Variants in TMEM87B observed in about 807,000 individuals in gnomAD.
The protein encoded by TMEM87B is transmembrane protein 87B.
In TMEM87B, 83 loss-of-function variants were observed where a neutral mutation model predicts 80.3. The ratio of observed to expected loss-of-function variants is 1.03; its 90% CI spans 0.87 to 1.24. The LOEUF (loss-of-function observed/expected upper bound fraction) is 1.24, where lower values mean the gene tolerates loss of function less well. TMEM87B is among the 50% of genes most tolerant of loss of function. The pLI, the probability that TMEM87B is intolerant of heterozygous loss-of-function variation, is 0.00. For synonymous variants in TMEM87B, 219 were observed against 230.5 expected, an observed-to-expected ratio of 0.95 and a Z score of 0.45; for missense variants, 625 against 674.4, an observed-to-expected ratio of 0.93 and a Z score of 0.81.
intron 9 of TMEM87B, among the ~76,000 whole-genome samples, chr2:112,087,841 C>T (rs887686389): frequency 3.3e-5 from 5 of 152,170 alleles, no homozygotes; most frequent in African/African-American, 1.2e-4. Flanking sequence ...TTGTCAAGGC[C>T]ACCATGACCT....
chr2:112,098,628 T>C lies in TMEM87B; in HGVS notation c.1306T>C (p.Trp436Arg), dbSNP rs1185030811. Reference protein sequence around the residue: ...WMERWVDDAFWSFLFSLILIV... With the variant: ...WMERWVDDAFRSFLFSLILIV... Reference sequence around the variant, plus strand: ...GGAACGCTGGGTTGACGATGCATTTTGGAGCTTCCTTTTTTCGCTTATCCT... The same window carrying C: ...GGAACGCTGGGTTGACGATGCATTTCGGAGCTTCCTTTTTTCGCTTATCCT... Residue 436 changes from tryptophan to arginine, a missense_variant, in exon 14 of 19, where the codon TGG (tryptophan) becomes CGG (arginine). By Grantham distance (101) the Trp-to-Arg change is moderately radical (BLOSUM62 -3). Transcript: ENST00000283206. The C allele has an allele frequency of 6.2e-7, 1 of 1,614,188 alleles. No individual in the cohort carries two copies. The highest frequency in any genetic ancestry group is 1.1e-5 in the South Asian group (1 of 91,090).
At chr2:112,083,711 A>G (rs1679065931) in intron 8 of TMEM87B, among the ~76,000 whole-genome samples, 1 of 152,186 alleles carries the variant, frequency 6.6e-6, no homozygotes, top group South Asian at 2.1e-4. Context: ...TTGAGCTAGG[A>G]GGCTTTGAAT....
chr2:112,112,665 T>G (rs1679950685), intron 17 of TMEM87B, among the ~76,000 whole-genome samples: 2 of 152,254 alleles, frequency 1.3e-5, no homozygotes, highest in Non-Finnish European at 2.9e-5. Context: ...TTCCATTGTC[T>G]GAATAACCCG....
chr2:112,075,054 AT>A, intron 5 of TMEM87B, 92 bp downstream of exon 5: 1 of 1,472,190 alleles, frequency 6.8e-7, no homozygotes, highest in South Asian at 1.3e-5. Context: ...AGAGAGTGAT[AT>A]AAAGTAGGGT....
intron 4 of TMEM87B, among the ~76,000 whole-genome samples, chr2:112,072,620 G>A (rs755064234): frequency 3.3e-5 from 5 of 152,000 alleles, no homozygotes; most frequent in East Asian, 1.9e-4. Flanking sequence ...GTAACATTCC[G>A]TTTGTCATTT....
Position 112,077,595 on chromosome 2 carries a change from T to A in TMEM87B, c.592+313T>A, listed in dbSNP as rs571094307. ...AACATGTAGAAATGTGTAGGCAACT[T>A]TTTAGTTGTGTATTTCAAGTAGGTT... is the stretch of plus-strand genomic sequence containing the variant. On this transcript the variant is annotated intron_variant, in intron 6 of 18. Coordinates refer to ENST00000283206, the MANE Select transcript of TMEM87B (RefSeq NM_032824.3). Among the ~76,000 whole-genome samples the A allele has an allele frequency of 5.9e-5, 9 of 152,278 alleles. No individual in the cohort carries two copies. The South Asian group carries it at 1.9e-3, about 32-fold the overall frequency.
In TMEM87B at chr2:112,097,045, T is replaced by C. The variant is rs758160201; in HGVS notation, c.1106T>C (p.Ile369Thr). ...AVIDSIFVWF[I>T]FISLAQTMKT... is the part of the protein sequence containing the mutation. ...ATGTTTTTCCTTAACTTTTTTCACA[T>C]TTTTATTAGTTTGGCACAAACTATG... Residue 369 changes from isoleucine (I) to threonine (T), a missense_variant and splice_region_variant, in exon 12 of 19, where the codon ATT (isoleucine) becomes ACT (threonine). By Grantham distance (89) the Ile-to-Thr change is moderately conservative (BLOSUM62 -1). Transcript: ENST00000283206. 6.3e-7 allele frequency: 1 copy of C among 1,577,324 alleles called. No individual in the cohort carries two copies. The highest frequency in any genetic ancestry group is 2.2e-5 in the East Asian group (1 of 44,528).
chr2:112,055,750 C>G lies in TMEM87B; in HGVS notation c.159C>G (p.Val53=), dbSNP rs763787246. 1.3e-6 allele frequency: 2 copies of G among 1,488,210 alleles called. No homozygotes were observed. Among genetic ancestry groups the G allele is most frequent in the Non-Finnish European group, 1.8e-6 (2 of 1,123,446 alleles). 92.2% of individuals were successfully genotyped at this position (1,488,210 alleles called of 1,614,324 possible). A position where few individuals can be genotyped will look rare whatever the true frequency, so the allele number is the denominator to read the frequency against. The change falls in exon 1 of 19, where the codon GTC becomes GTG. Residue 53 remains valine, a synonymous_variant. Coordinates refer to ENST00000283206, the MANE Select transcript of TMEM87B (RefSeq NM_032824.3). ...AGCTCGGGCTCTGGTTAGAGACAGT[C>G]AACGACGTAAGTGGAGTGTCGGGAC... ...VPELGLWLET[V]NDKSGPLIFR... is the part of the protein sequence containing the mutation.
chr2:112,107,861 G>T, intron 17 of TMEM87B, 21 bp downstream of exon 17: 1 of 1,532,152 alleles, frequency 6.5e-7, no homozygotes. Context: ...TTCTGTTACA[G>T]TTTGATTGTA....
intron 10 of TMEM87B, among the ~76,000 whole-genome samples, chr2:112,090,940 T>G (rs1306153917): frequency 6.6e-6 from 1 of 152,208 alleles, no homozygotes; most frequent in Admixed American, 6.5e-5. Context: ...AGATGCTCTT[T>G]TAGTCTTTGA....
intron 15 of TMEM87B, among the ~76,000 whole-genome samples, chr2:112,105,162 T>C (rs1331891624): frequency 1.3e-5 from 2 of 152,176 alleles, no homozygotes; most frequent in Non-Finnish European, 2.9e-5. Flanking sequence ...CACGCTTCAG[T>C]GTTCAAAAAT....
rs568546549 is a variant in TMEM87B, at chr2:112,112,991, CAGAA to C, written c.1608+67_1608+70del. ...ATTTTCACAAAGTAGAGATGTATTT[CAGAA>C]AGAAGTTCTGAAAGCTACTTTTTAA... On this transcript the variant is annotated intron_variant, in intron 18 of 18. Transcript: ENST00000283206. 42 of 1,471,914 alleles carry C rather than the reference CAGAA, an allele frequency of 2.9e-5. No homozygotes were observed. The African/African-American group carries it at 5.5e-4, about 19-fold the overall frequency. 91.2% of individuals were successfully genotyped at this position (1,471,914 alleles called of 1,614,324 possible). A position where few individuals can be genotyped will look rare whatever the true frequency, so the allele number is the denominator to read the frequency against.
chr2:112,055,823 T>C, intron 1 of TMEM87B, 67 bp downstream of exon 1: 1 of 1,432,638 alleles, frequency 7.0e-7, no homozygotes, highest in South Asian at 1.5e-5. Flanking sequence ...GCGGCTTCGC[T>C]TGACCCCGGG....
At position 112,055,497 on chromosome 2, in the gene TMEM87B, C is replaced by G. The variant is rs2104447184; in HGVS notation, c.-95C>G. 3.7e-6 allele frequency: 5 copies of G among 1,334,720 alleles called. No homozygotes were observed. In the South Asian group the frequency reaches 6.5e-5, roughly 17 times the overall value. 82.7% of individuals were successfully genotyped at this position (1,334,720 alleles called of 1,614,324 possible). A position where few individuals can be genotyped will look rare whatever the true frequency, so the allele number is the denominator to read the frequency against. On this transcript the variant is annotated 5_prime_UTR_variant, in exon 1 of 19. Transcript: ENST00000283206. ...CCTCCACACCCGAGTCCGAGCCCCG[C>G]GTCCCGGATTCGGACCCGCCTGCCT...
At position 112,117,525 on chromosome 2, in the gene TMEM87B, G is replaced by C. The variant is rs773905277; in HGVS notation, c.*1382G>C. On this transcript the variant is annotated 3_prime_UTR_variant, in exon 19 of 19. Transcript: ENST00000283206. ...GGGTAGTAAAGAAGATCTATTTCTG[G>C]TAGTCATATCGCTTGAAAGGTATTG... 6.6e-6 allele frequency: 1 copy of C among 151,590 alleles called. No homozygotes were observed. Among genetic ancestry groups the C allele is most frequent in the African/African-American group, 2.4e-5 (1 of 41,236 alleles). The allele number at this position is 151,590 out of a possible 1,614,324, so 9.4% of individuals were successfully genotyped here. A position where few individuals can be genotyped will look rare whatever the true frequency, so the allele number is the denominator to read the frequency against.
Position 112,091,889 on chromosome 2 carries a change from C to A in TMEM87B, c.1104+106C>A, listed in dbSNP as rs905547517. 3.5e-6 allele frequency: 3 copies of A among 855,396 alleles called. No individual in the cohort carries two copies. The African/African-American group carries it at 5.1e-5, about 15-fold the overall frequency. 53.0% of individuals were successfully genotyped at this position (855,396 alleles called of 1,614,324 possible). On this transcript the variant is annotated intron_variant, in intron 11 of 18. Coordinates refer to ENST00000283206, the MANE Select transcript of TMEM87B (RefSeq NM_032824.3). ...GAAATACAGTTATGCATTTTTGTTACCTTAATACGAGGGTTCACTTGAAGG... is the reference window on the plus strand; with the variant it reads ...GAAATACAGTTATGCATTTTTGTTAACTTAATACGAGGGTTCACTTGAAGG...
Position 112,098,660 on chromosome 2 carries a change from A to C in TMEM87B, c.1338A>C (p.Val446=), listed in dbSNP as rs748445670. 1.2e-6 allele frequency: 2 copies of C among 1,614,116 alleles called. No individual in the cohort carries two copies. The highest frequency in any genetic ancestry group is 1.7e-6 in the Non-Finnish European group (2 of 1,180,036). ...WSFLFSLILI[V]IMFLWRPSAN... The stretch of plus-strand genomic sequence containing the variant: ...TCCTTTTTTCGCTTATCCTTATTGT[A>C]ATCATGTTTTTGTGGAGACCATCAG... The change falls in exon 14 of 19, where the codon GTA becomes GTC. Residue 446 remains valine (V), a synonymous_variant. Transcript: ENST00000283206.
At chr2:112,112,393 G>A (rs1342016023) in intron 17 of TMEM87B, among the ~76,000 whole-genome samples, 1 of 152,102 alleles carries the variant, frequency 6.6e-6, no homozygotes, top group East Asian at 1.9e-4. Context: ...TGTAAATACC[G>A]CCTTTCATAA....
rs910795828 is a variant in TMEM87B at position 112,119,090 on chromosome 2, T to G, written c.*2947T>G. The G allele has an allele frequency of 2.0e-5, 3 of 152,198 alleles. No individual in the cohort carries two copies. The highest frequency in any genetic ancestry group is 2.9e-5 in the Non-Finnish European group (2 of 68,004). 9.4% of individuals were successfully genotyped at this position (152,198 alleles called of 1,614,324 possible). A position where few individuals can be genotyped will look rare whatever the true frequency, so the allele number is the denominator to read the frequency against. On this transcript the variant is annotated 3_prime_UTR_variant, in exon 19 of 19. Transcript: ENST00000283206. Reference sequence around the variant, plus strand: ...ACATTATAATATTGGAGCTCAGTACTGCATGAAGAGACTTCATTAAAACTA... The same window carrying G: ...ACATTATAATATTGGAGCTCAGTACGGCATGAAGAGACTTCATTAAAACTA...
Sources: gnomAD v4.1 joint callset for allele counts (sites outside exome capture counted in the v4.1 genomes callset) on GRCh38, gnomAD v4.1.1 for gene constraint, MANE v1.5 for transcripts, NCBI Gene and HGNC (gene_info 2026-07-23, HGNC 2026-07-21) for gene names.